SPOCK3: variants seen among roughly 807,000 people sequenced by gnomAD.
SPOCK3 encodes the protein testican-3.
SPOCK3 carries 30 observed loss-of-function variants against 56.6 expected under a neutral mutation model. The ratio of observed to expected loss-of-function variants is 0.53; its 90% confidence interval spans 0.40 to 0.72. The LOEUF (loss-of-function observed/expected upper bound fraction) is 0.72, where lower values mean the gene tolerates loss of function less well. Ranked by LOEUF, SPOCK3 falls within the 30% of genes least tolerant of loss-of-function variation. The pLI, the probability that SPOCK3 is intolerant of heterozygous loss-of-function variation, is 0.00. For synonymous variants in SPOCK3, 196 were observed against 183.3 expected, an observed-to-expected ratio of 1.07 and a Z score of -0.56; for missense variants, 527 against 530.0, an observed-to-expected ratio of 0.99 and a Z score of 0.06.
chr4:166,762,363 T>C (rs1409058952), intron 7 of SPOCK3, among the ~76,000 whole-genome samples: 4 of 152,090 alleles, frequency 2.6e-5, no homozygotes, highest in Non-Finnish European at 5.9e-5. Flanking sequence ...TAAAGCAATG[T>C]TGGTGTGAGA....
chr4:166,842,042 T>A (rs558260697), intron 6 of SPOCK3, among the ~76,000 whole-genome samples: 1 of 152,290 alleles, frequency 6.6e-6, no homozygotes, highest in South Asian at 2.1e-4. Flanking sequence ...GTTAAGGCTC[T>A]TAAGGCGTTG....
At chr4:167,129,557 TTC>T (rs1762543662) in intron 2 of SPOCK3, among the ~76,000 whole-genome samples, 1 of 152,088 alleles carries the variant, frequency 6.6e-6, no homozygotes, top group South Asian at 2.1e-4. Context: ...ATTTCAGACA[TTC>T]TGTTTCTTTC....
Position 166,961,209 on chromosome 4 carries a change from T to TA in SPOCK3, c.350+39139_350+39140insT, listed in dbSNP as rs779474625. Reference sequence around the variant, plus strand: ...TTCACAGCATTTTAAAACATCAATTTTAAAAAAAACCTTTAAATACGTGAG... The same window carrying TA: ...TTCACAGCATTTTAAAACATCAATTTATAAAAAAAACCTTTAAATACGTGAG... On this transcript the variant is annotated intron_variant, in intron 4 of 10. Transcript: ENST00000357545. Among the ~76,000 whole-genome samples, 836 of 150,010 alleles carry TA rather than the reference T, an allele frequency of 5.6e-3. 16 individuals are homozygous for TA. The highest frequency in any genetic ancestry group is 0.043 in the Admixed American group (646 of 15,008).
intron 6 of SPOCK3, among the ~76,000 whole-genome samples, chr4:166,866,368 T>C (rs1731842735): frequency 6.6e-6 from 1 of 152,094 alleles, no homozygotes; most frequent in Non-Finnish European, 1.5e-5. Flanking sequence ...GACATAGAAA[T>C]GGGCAAAGAC....
chr4:166,753,157 T>C (rs1736643868), intron 8 of SPOCK3, among the ~76,000 whole-genome samples: 2 of 68,954 alleles, frequency 2.9e-5, no homozygotes, highest in South Asian at 1.1e-3. Context: ...TAAATGTTTG[T>C]GTATAGACAC....
At chr4:166,912,350 A>C (rs1737375173) in intron 5 of SPOCK3, among the ~76,000 whole-genome samples, 1 of 152,208 alleles carries the variant, frequency 6.6e-6, no homozygotes, top group Non-Finnish European at 1.5e-5. Context: ...ACAGCATGCT[A>C]ACATTTCTGA....
intron 6 of SPOCK3, among the ~76,000 whole-genome samples, chr4:166,810,358 G>A (rs555572192): frequency 1.4e-4 from 21 of 152,022 alleles, no homozygotes; most frequent in African/African-American, 4.6e-4. Context: ...ACCTAACTCG[G>A]TTAGATAAAA....
intron 3 of SPOCK3, among the ~76,000 whole-genome samples, chr4:167,058,399 A>T (rs552564823): frequency 6.6e-6 from 1 of 152,284 alleles, no homozygotes; most frequent in African/African-American, 2.4e-5. Context: ...TCCCATTCAT[A>T]AGTGCTTCAA....
intron 7 of SPOCK3, among the ~76,000 whole-genome samples, chr4:166,788,172 A>C (rs114419040): frequency 1.2e-4 from 18 of 149,730 alleles, no homozygotes; most frequent in African/African-American, 4.1e-4. Context: ...ACAGAGTGAG[A>C]CTCCATTTAA....
At chr4:166,904,173 C>T (rs759050309) in intron 5 of SPOCK3, among the ~76,000 whole-genome samples, 8 of 151,726 alleles carry the variant, frequency 5.3e-5, no homozygotes, top group East Asian at 1.9e-4. Context: ...GTTCTATCCC[C>T]GATGAACTAA....
At chr4:166,768,285 G>T (rs567630649) in intron 7 of SPOCK3, among the ~76,000 whole-genome samples, 1 of 151,902 alleles carries the variant, frequency 6.6e-6, no homozygotes, top group Admixed American at 6.6e-5. Flanking sequence ...TCCTAGCCTC[G>T]ATGGTCTTTA....
chr4:166,830,771 A>T (rs1745954748), intron 6 of SPOCK3, among the ~76,000 whole-genome samples: 1 of 152,142 alleles, frequency 6.6e-6, no homozygotes, highest in South Asian at 2.1e-4. Flanking sequence ...CGACAATCAT[A>T]TCTTCTCGGT....
chr4:167,129,385 A>T (rs1762533032), intron 2 of SPOCK3, among the ~76,000 whole-genome samples: 1 of 151,960 alleles, frequency 6.6e-6, no homozygotes, highest in Non-Finnish European at 1.5e-5. Context: ...CTGGCAACAC[A>T]CTCTTATCTG....
intron 6 of SPOCK3, among the ~76,000 whole-genome samples, chr4:166,838,779 C>T (rs1746908401): frequency 7.0e-6 from 1 of 141,972 alleles, no homozygotes; most frequent in African/African-American, 2.6e-5. Context: ...TGAAACCCCA[C>T]CTCTAATAAT....
At chr4:166,771,629 A>C (rs1161470936) in intron 7 of SPOCK3, among the ~76,000 whole-genome samples, 1 of 152,048 alleles carries the variant, frequency 6.6e-6, no homozygotes, top group Non-Finnish European at 1.5e-5. Flanking sequence ...ATAAACTCTT[A>C]GTTCTAATGT....
chr4:167,058,067 C>T (rs535680012), intron 3 of SPOCK3, among the ~76,000 whole-genome samples: 140 of 152,256 alleles, frequency 9.2e-4, no homozygotes, highest in South Asian at 3.5e-3. Context: ...TGTAAAAGAT[C>T]GGAATTTTAA....
chr4:167,012,303 G>A (rs1750158392), intron 3 of SPOCK3, among the ~76,000 whole-genome samples: 1 of 150,730 alleles, frequency 6.6e-6, no homozygotes, highest in Non-Finnish European at 1.5e-5. Flanking sequence ...CCTCATATGA[G>A]CTGGAAAAAA....
chr4:167,158,107 A>G (rs1764968351), intron 2 of SPOCK3, among the ~76,000 whole-genome samples: 2 of 152,010 alleles, frequency 1.3e-5, no homozygotes, highest in South Asian at 4.1e-4. Flanking sequence ...GATTGTTTAT[A>G]GTCTGAGGAG....
chr4:166,809,913 C>T (rs1329938202), intron 6 of SPOCK3, among the ~76,000 whole-genome samples: 1 of 152,010 alleles, frequency 6.6e-6, no homozygotes, highest in African/African-American at 2.4e-5. Context: ...CAGACAAAAA[C>T]AAAAATTTCT....
Sources: allele counts gnomAD v4.1 joint callset (sites outside exome capture counted in the v4.1 genomes callset), GRCh38; gene constraint gnomAD v4.1.1; transcripts MANE v1.5; gene names NCBI Gene and HGNC (gene_info 2026-07-23, HGNC 2026-07-21).